FAM76B: variants seen among roughly 807,000 people sequenced by gnomAD.
FAM76B encodes the protein family with sequence similarity 76 member B.
FAM76B carries 16 observed loss-of-function variants against 51.8 expected under a neutral mutation model. The observed-to-expected ratio is 0.31, with a 90% CI of 0.21 to 0.47. FAM76B has a LOEUF of 0.47. FAM76B is among the 20% of genes least tolerant of loss of function. FAM76B has a pLI of 1.00. For missense variants in FAM76B, 342 were observed against 392.6 expected (o/e 0.87, Z 1.09); for synonymous variants, 166 against 129.5 (o/e 1.28, Z -1.91).
chr11:95,778,973 T>G lies in FAM76B; in HGVS notation c.693-16A>C. ...TATAGAGCTACTAAAAAGAAAAAAGTAAAACACAGTTAAATGAAGTAGAAG... is the reference window on the plus strand; with the variant it reads ...TATAGAGCTACTAAAAAGAAAAAAGGAAAACACAGTTAAATGAAGTAGAAG... On this transcript the variant is annotated splice_polypyrimidine_tract_variant and intron_variant, in intron 7 of 9. Coordinates refer to ENST00000358780, the MANE Select transcript of FAM76B (RefSeq NM_144664.5). 1 of 1,604,858 alleles carries G rather than the reference T, an allele frequency of 6.2e-7. No individual in the cohort carries two copies. The highest frequency in any genetic ancestry group is 2.2e-5 in the East Asian group (1 of 44,678).
intron 8 of FAM76B, among the ~76,000 whole-genome samples, chr11:95,778,092 T>C (rs949037698): frequency 7.3e-5 from 11 of 151,474 alleles, no homozygotes; most frequent in African/African-American, 2.7e-4. Flanking sequence ...CACATTCTGC[T>C]TTAGGTCACA....
chr11:95,785,653 G>A (rs1860530849), intron 4 of FAM76B, among the ~76,000 whole-genome samples: 4 of 152,130 alleles, frequency 2.6e-5, no homozygotes, highest in South Asian at 2.1e-4. Context: ...GATCGGCAAA[G>A]GAATTATCAC....
rs1336595594 is a variant in FAM76B at position 95,779,390 on chromosome 11, A to T, written c.692+217T>A. On this transcript the variant is annotated intron_variant, in intron 7 of 9. Coordinates refer to ENST00000358780, the MANE Select transcript of FAM76B (RefSeq NM_144664.5). ...TTCAAATTTGTTTCTTCAAAACCCA[A>T]ATTTATTTCCCAAATAGAACAACAT... 7.1e-6 allele frequency: 4 copies of T among 566,302 alleles called. No homozygotes were observed. The African/African-American group carries it at 7.8e-5, about 11-fold the overall frequency. 35.1% of individuals were successfully genotyped at this position (566,302 alleles called of 1,614,324 possible).
chr11:95,786,753 A>T (rs1860609637), intron 3 of FAM76B: 1 of 152,518 alleles, frequency 6.6e-6, no homozygotes, highest in Admixed American at 6.5e-5. Flanking sequence ...TGAAAAAATG[A>T]GAACAAGCAT....
intron 8 of FAM76B, among the ~76,000 whole-genome samples, chr11:95,776,653 A>T (rs369193784): frequency 2.0e-5 from 3 of 151,522 alleles, no homozygotes; most frequent in East Asian, 3.9e-4. Flanking sequence ...GACAAATACA[A>T]GAAAAAAATC....
intron 1 of FAM76B, chr11:95,788,969 C>CA (rs760794983): frequency 1.5e-6 from 2 of 1,350,154 alleles, no homozygotes; most frequent in Middle Eastern, 2.0e-4. Context: ...AGAAGGATGC[C>CA]ATCAGCTTTG....
intron 9 of FAM76B, 33 bp downstream of exon 9, chr11:95,775,889 T>C (rs1448120647): frequency 2.1e-6 from 3 of 1,440,278 alleles, no homozygotes; most frequent in Middle Eastern, 2.0e-4. Context: ...TAGCCCTTCT[T>C]GCCTATCATT....
At chr11:95,789,267 C>G (rs1860834112) in intron 1 of FAM76B, 125 bp downstream of exon 1, 3 of 1,100,134 alleles carry the variant, frequency 2.7e-6, no homozygotes, top group Non-Finnish European at 3.9e-6. Context: ...AGTGGGGAGG[C>G]GAGGGCTCCA....
chr11:95,771,362 A>G lies in FAM76B; in HGVS notation c.*199T>C, dbSNP rs763831667. The G allele has an allele frequency of 1.1e-5, 5 of 443,800 alleles. No individual in the cohort carries two copies. The highest frequency in any genetic ancestry group is 2.1e-5 in the Non-Finnish European group (5 of 242,890). 27.5% of individuals were successfully genotyped at this position (443,800 alleles called of 1,614,324 possible). Reference sequence around the variant, plus strand: ...CTGGATATCAAATAATTAAAAAGTTACTTCAAACCAGTTGAAGTTTTATTT... The same window carrying G: ...CTGGATATCAAATAATTAAAAAGTTGCTTCAAACCAGTTGAAGTTTTATTT... On this transcript the variant is annotated 3_prime_UTR_variant, in exon 10 of 10. Coordinates refer to ENST00000358780, the MANE Select transcript of FAM76B (RefSeq NM_144664.5).
Position 95,789,604 on chromosome 11 carries a change from C to G in FAM76B, c.-126G>C, listed in dbSNP as rs1860883854. 5 of 758,550 alleles carry G rather than the reference C, an allele frequency of 6.6e-6. No individual in the cohort carries two copies. Among genetic ancestry groups the G allele is most frequent in the Middle Eastern group, 3.9e-4 (1 of 2,540 alleles). The allele number at this position is 758,550 out of a possible 1,614,324, so 47.0% of individuals were successfully genotyped here. A position where few individuals can be genotyped will look rare whatever the true frequency, so the allele number is the denominator to read the frequency against. ...CCCCCTCCCCCTGCCTCGCGCCCAC[C>G]AGGGCCTCGCCGCGAGAGCCCAGGG... On this transcript the variant is annotated 5_prime_UTR_variant, in exon 1 of 10. Transcript: ENST00000358780.
chr11:95,784,587 C>A (rs1860455707), intron 4 of FAM76B, among the ~76,000 whole-genome samples: 1 of 151,030 alleles, frequency 6.6e-6, no homozygotes, highest in Non-Finnish European at 1.5e-5. Flanking sequence ...CACACACACA[C>A]ACACAATTTT....
rs1349211630 is a variant in FAM76B at position 95,789,466 on chromosome 11, C to A, written c.13G>T (p.Ala5Ser). The A allele has an allele frequency of 6.2e-7, 1 of 1,606,746 alleles. No individual in the cohort carries two copies. Residue 5 changes from alanine (A) to serine (S), a missense_variant, in exon 1 of 10, where the codon GCC becomes TCC. Ala to Ser is a moderately conservative substitution (Grantham distance 99). Coordinates refer to ENST00000358780, the MANE Select transcript of FAM76B (RefSeq NM_144664.5). MAAS[A>S]LYACTKCTQR... ...GTACACTTGGTGCAGGCGTACAGGG[C>A]CGAGGCCGCCATCCTGCTCCTCAGT...
chr11:95,787,393 C>G (rs1425856575), intron 3 of FAM76B, among the ~76,000 whole-genome samples: 1 of 152,102 alleles, frequency 6.6e-6, no homozygotes, highest in African/African-American at 2.4e-5. Flanking sequence ...ACCACCATAC[C>G]CGGCTCATTT....
chr11:95,771,443 C>A lies in FAM76B; in HGVS notation c.*118G>T. On this transcript the variant is annotated 3_prime_UTR_variant, in exon 10 of 10. Transcript: ENST00000358780. ...ATCAATTACAAAAGTGAACAGGAAA[C>A]ACACCAATTCATTTGGTGTGCAAAA... The A allele has an allele frequency of 1.6e-6, 1 of 637,018 alleles. No individual in the cohort carries two copies. The highest frequency in any genetic ancestry group is 2.0e-5 in the South Asian group (1 of 49,170). The allele number at this position is 637,018 out of a possible 1,614,324, so 39.5% of individuals were successfully genotyped here. A position where few individuals can be genotyped will look rare whatever the true frequency, so the allele number is the denominator to read the frequency against.
intron 3 of FAM76B, among the ~76,000 whole-genome samples, chr11:95,787,286 T>A (rs1038276004): frequency 1.2e-4 from 19 of 152,036 alleles, no homozygotes; most frequent in African/African-American, 4.1e-4. Flanking sequence ...CAGGCTGGAG[T>A]GCAGTGGCAG....
chr11:95,773,420 A>G (rs1211812852), intron 9 of FAM76B, among the ~76,000 whole-genome samples: 3 of 140,630 alleles, frequency 2.1e-5, no homozygotes, highest in Non-Finnish European at 4.6e-5. Flanking sequence ...GTACATTTAA[A>G]TTGTTTTATC....
At chr11:95,776,114 A>G in intron 8 of FAM76B, 91 bp from the exon 9 acceptor site, 1 of 650,974 alleles carries the variant, frequency 1.5e-6, no homozygotes, top group Non-Finnish European at 2.3e-6. Context: ...CTCACATTTC[A>G]TTACAAAAGT....
At chr11:95,786,317 A>G (rs531123158) in intron 3 of FAM76B, 43 bp from the exon 4 acceptor site, 1 of 1,607,158 alleles carries the variant, frequency 6.2e-7, no homozygotes, top group East Asian at 2.2e-5. Flanking sequence ...AACATTAAAT[A>G]TTTGCGGCAT....
intron 1 of FAM76B, chr11:95,789,152 G>C: frequency 8.3e-7 from 1 of 1,211,148 alleles, no homozygotes; most frequent in Non-Finnish European, 1.1e-6. Flanking sequence ...AGACGCTGAC[G>C]GGGCCCGGCA....
Sources: gnomAD v4.1 joint callset for allele counts (sites outside exome capture counted in the v4.1 genomes callset) on GRCh38, gnomAD v4.1.1 for gene constraint, MANE v1.5 for transcripts, NCBI Gene and HGNC (gene_info 2026-07-23, HGNC 2026-07-21) for gene names.